Variants in SMCO2 observed in about 807,000 individuals in gnomAD.
SMCO2 encodes the protein single-pass membrane protein with coiled-coil domains 2, also known as single-pass membrane and coiled-coil domain-containing protein 2.
A neutral mutation model predicts 29.5 loss-of-function variants in SMCO2; 25 were observed. The ratio of observed to expected loss-of-function variants is 0.85; its 90% confidence interval spans 0.62 to 1.18. The LOEUF (loss-of-function observed/expected upper bound fraction) is 1.18. SMCO2 is among the 50% of genes most tolerant of loss of function. The probability of loss-of-function intolerance (pLI) is 0.00; values close to 1 mark genes in which losing one functional copy is unlikely to be tolerated. For missense variants in SMCO2, 348 were observed against 344.5 expected (o/e 1.01, Z -0.08); for synonymous variants, 117 against 123.3 (o/e 0.95, Z 0.34).
At chr12:27,488,513 G>A (rs1418980634) in exon 5 of SMCO2, 22 of 1,538,028 alleles carry the variant, frequency 1.4e-5, no homozygotes, top group African/African-American at 1.4e-5. Context: ...CTGGAGGACC[G>A]GGGCCTTGAC....
At chr12:27,483,018 T>G (rs1195929176) in intron 4 of SMCO2, among the ~76,000 whole-genome samples, 1 of 152,234 alleles carries the variant, frequency 6.6e-6, no homozygotes, top group African/African-American at 2.4e-5. Context: ...TTAACCACCG[T>G]GCCCAGCCAA....
chr12:27,496,783 C>G (rs1182147603), intron 7 of SMCO2, among the ~76,000 whole-genome samples: 1 of 150,708 alleles, frequency 6.6e-6, no homozygotes, highest in Non-Finnish European at 1.5e-5. Context: ...ATGTGCACAC[C>G]TTGCACATAA....
intron 3 of SMCO2, 39 bp from the exon 4 acceptor site, chr12:27,474,747 C>T: frequency 6.5e-7 from 1 of 1,550,090 alleles, no homozygotes. Context: ...CTTGTACTAA[C>T]CTTTTGTTCT....
upstream of SMCO2, among the ~76,000 whole-genome samples, chr12:27,463,747 C>A (rs926610523): frequency 6.6e-6 from 1 of 152,122 alleles, no homozygotes; most frequent in Non-Finnish European, 1.5e-5. Context: ...AACAAACCAA[C>A]AAAACCTTGT....
upstream of SMCO2, among the ~76,000 whole-genome samples, chr12:27,462,023 T>C (rs1949462703): frequency 6.6e-6 from 1 of 152,250 alleles, no homozygotes; most frequent in African/African-American, 2.4e-5. Context: ...AGTTAAAGAC[T>C]GTTTGGACAT....
chr12:27,484,423 C>T (rs1353198007), intron 4 of SMCO2, among the ~76,000 whole-genome samples: 1 of 152,016 alleles, frequency 6.6e-6, no homozygotes, highest in Non-Finnish European at 1.5e-5. Flanking sequence ...TACAGTTCTA[C>T]TGGGGATGTG....
chr12:27,489,995 A>G (rs1949722036), intron 5 of SMCO2, among the ~76,000 whole-genome samples: 1 of 152,236 alleles, frequency 6.6e-6, no homozygotes, highest in African/African-American at 2.4e-5. Flanking sequence ...ATAATATGCA[A>G]GAGGAAGGCA....
intron 2 of SMCO2, among the ~76,000 whole-genome samples, chr12:27,471,154 T>C (rs1042121039): frequency 6.6e-6 from 1 of 152,162 alleles, no homozygotes; most frequent in Admixed American, 6.5e-5. Context: ...AAATGCATAC[T>C]AGTTTAGCTA....
chr12:27,497,951 C>T lies in SMCO2; in HGVS notation c.683+2096C>T. ...CTCCCGTGCTGGATTTGGTGTGTTG[C>T]TAGGGGAAGACAAGAAGTTTAATAT... is the stretch of plus-strand genomic sequence containing the variant. On this transcript the variant is annotated intron_variant, in intron 7 of 7. Coordinates refer to ENST00000298876, the Ensembl canonical transcript of SMCO2. The T allele has an allele frequency of 9.2e-6, 3 of 324,392 alleles. No individual in the cohort carries two copies. In the South Asian group the frequency reaches 1.1e-4, roughly 12 times the overall value. 20.1% of individuals were successfully genotyped at this position (324,392 alleles called of 1,614,324 possible).
At chr12:27,474,691 G>A in intron 3 of SMCO2, 95 bp from the exon 4 acceptor site, 1 of 1,419,026 alleles carries the variant, frequency 7.0e-7, no homozygotes. Flanking sequence ...CTATGTGCTT[G>A]ACCCCAGCAA....
the SMCO2 span, among the ~76,000 whole-genome samples, chr12:27,429,423 C>A: frequency 6.8e-6 from 1 of 148,050 alleles, no homozygotes; most frequent in African/African-American, 2.5e-5. Flanking sequence ...TAAAATTGTA[C>A]AAAGTAATGC....
the SMCO2 span, chr12:27,424,894 T>C: frequency 1.3e-5 from 2 of 152,260 alleles, no homozygotes; most frequent in African/African-American, 4.8e-5. Context: ...TTATGATTTT[T>C]GTGCCTACAA....
chr12:27,467,973 A>T (rs1353396625), intron 1 of SMCO2, among the ~76,000 whole-genome samples: 1 of 152,130 alleles, frequency 6.6e-6, no homozygotes, highest in African/African-American at 2.4e-5. Context: ...TCCCATTTCC[A>T]CAGCTTTTAT....
At chr12:27,469,471 G>A (rs546004139) in intron 1 of SMCO2, among the ~76,000 whole-genome samples, 2 of 152,170 alleles carry the variant, frequency 1.3e-5, no homozygotes, top group South Asian at 2.1e-4. Context: ...GATTCCCAGG[G>A]CCTCCCTTCT....
intron 2 of SMCO2, among the ~76,000 whole-genome samples, chr12:27,471,709 C>T (rs1293175254): frequency 6.6e-6 from 1 of 152,118 alleles, no homozygotes; most frequent in East Asian, 1.9e-4. Context: ...CTCAACCTCA[C>T]ACATAAAATG....
At chr12:27,478,537 C>T (rs432064) in intron 4 of SMCO2, among the ~76,000 whole-genome samples, 17,585 of 152,204 alleles carry the variant, frequency 0.12, 1,956 homozygotes, top group African/African-American at 0.27. Context: ...GTGCACATTG[C>T]CAGCAGTGAT....
intron 7 of SMCO2, chr12:27,498,277 C>T (rs969993845): frequency 2.1e-5 from 5 of 234,266 alleles, no homozygotes; most frequent in Middle Eastern, 5.0e-4. Context: ...ATCAGATGCT[C>T]CAAAAAGCTG....
chr12:27,487,697 C>T (rs556668484), intron 4 of SMCO2, among the ~76,000 whole-genome samples: 8 of 151,612 alleles, frequency 5.3e-5, no homozygotes, highest in Non-Finnish European at 8.8e-5. Flanking sequence ...TATGAATGAT[C>T]GCGTTTCTCC....
chr12:27,453,534 T>C, the SMCO2 span, among the ~76,000 whole-genome samples: 1 of 152,184 alleles, frequency 6.6e-6, no homozygotes, highest in Admixed American at 6.5e-5. Flanking sequence ...CTGCAGAATT[T>C]CAAAAATGCC....
Sources: gnomAD v4.1 joint callset for allele counts (sites outside exome capture counted in the v4.1 genomes callset) on GRCh38, gnomAD v4.1.1 for gene constraint, MANE v1.5 for transcripts, NCBI Gene and HGNC (gene_info 2026-07-23, HGNC 2026-07-21) for gene names.